The following IL22RA2 variants were observed in gnomAD, a reference collection of about 807,000 sequenced individuals.
The protein encoded by IL22RA2 is interleukin-22 receptor subunit alpha-2.
IL22RA2 carries 39 observed loss-of-function variants against 30.7 expected under a neutral mutation model. The observed-to-expected ratio is 1.27, with a 90% CI of 0.98 to 1.66. IL22RA2 has a LOEUF of 1.66. Among genes scored for constraint, IL22RA2 ranks in the 40% most tolerant of loss-of-function variants. The pLI is 0.00. For synonymous variants in IL22RA2, 103 were observed against 105.0 expected (o/e 0.98, Z 0.11); for missense variants, 315 against 312.7 (o/e 1.01, Z -0.05).
chr6:137,148,590 C>T (rs1428485056), intron 5 of IL22RA2, among the ~76,000 whole-genome samples: 3 of 152,130 alleles, frequency 2.0e-5, no homozygotes, highest in Non-Finnish European at 2.9e-5. Flanking sequence ...CTTTGATTTC[C>T]GTTTACTTTG....
rs570174437 is a variant in IL22RA2, at chr6:137,147,680, A to C, written c.642+42T>G. On this transcript the variant is annotated intron_variant, in intron 6 of 6. Transcript: ENST00000296980. ...TGACCACAATATTGGTTAAATAAACAAAAGAAAAAAACTCTAAATATATCT... is the reference window on the plus strand; with the variant it reads ...TGACCACAATATTGGTTAAATAAACCAAAGAAAAAAACTCTAAATATATCT... 9 of 1,420,840 alleles carry C rather than the reference A, an allele frequency of 6.3e-6. No individual in the cohort carries two copies. In the Admixed American group the frequency reaches 1.8e-4, roughly 29 times the overall value. 88.0% of individuals were successfully genotyped at this position (1,420,840 alleles called of 1,614,324 possible).
At position 137,145,762 on chromosome 6, in the gene IL22RA2, A is replaced by G; in HGVS notation, c.654T>C (p.Val218=). The change falls in exon 7 of 7, where the codon GTT becomes GTC. Residue 218 remains valine (V), a synonymous_variant. Transcript: ENST00000296980. ...INNSLEKEQK[V]YEGAHRAVEI... The stretch of plus-strand genomic sequence containing the variant: ...CAACCGCTCTGTGAGCCCCTTCATA[A>G]ACCTTTTGCTCCTACACACGAGAGA... The G allele has an allele frequency of 6.2e-7, 1 of 1,613,964 alleles. No homozygotes were observed. Among genetic ancestry groups the G allele is most frequent in the Non-Finnish European group, 8.5e-7 (1 of 1,179,948 alleles).
At position 137,156,552 on chromosome 6, in the gene IL22RA2, G is replaced by T. The variant is rs561423986; in HGVS notation, c.293+207C>A. Among the ~76,000 whole-genome samples, 3 of 152,200 alleles carry T rather than the reference G, an allele frequency of 2.0e-5. 1 individual carries two copies. The highest frequency in any genetic ancestry group is 4.1e-4 in the South Asian group (2 of 4,820). On this transcript the variant is annotated intron_variant, in intron 4 of 6. Transcript: ENST00000296980. ...TGTTTATCCTATTCTAAACGCAAGG[G>T]ATATAACAGTATTATAGCCCATGAA...
At position 137,158,279 on chromosome 6, in the gene IL22RA2, C is replaced by G. The variant is rs188089965; in HGVS notation, c.197+68G>C. 1.4e-4 allele frequency: 226 copies of G among 1,575,326 alleles called. 2 individuals carry two copies. The East Asian group carries it at 1.8e-3, about 13-fold the overall frequency. On this transcript the variant is annotated intron_variant, in intron 3 of 6. Transcript: ENST00000296980. Reference sequence around the variant, plus strand: ...GAAAAAAAGCTCGGATCCTAACACTCCATTGCATTCTAGAACATGTTATCC... The same window carrying G: ...GAAAAAAAGCTCGGATCCTAACACTGCATTGCATTCTAGAACATGTTATCC...
rs1778160094 is a variant in IL22RA2, at chr6:137,145,558, A to G, written c.*66T>C. Reference sequence around the variant, plus strand: ...AACAATTTTAAATAAGATCCTTCAAACACGAGTCATCCTGTTCTCAGGGAG... The same window carrying G: ...AACAATTTTAAATAAGATCCTTCAAGCACGAGTCATCCTGTTCTCAGGGAG... On this transcript the variant is annotated 3_prime_UTR_variant, in exon 7 of 7. Coordinates refer to ENST00000296980, the MANE Select transcript of IL22RA2 (RefSeq NM_052962.3). The G allele has an allele frequency of 7.0e-7, 1 of 1,435,440 alleles. No individual in the cohort carries two copies. The highest frequency in any genetic ancestry group is 1.4e-5 in the African/African-American group (1 of 69,714). The allele number at this position is 1,435,440 out of a possible 1,614,324, so 88.9% of individuals were successfully genotyped here.
chr6:137,147,089 C>A (rs1321790299), intron 6 of IL22RA2, among the ~76,000 whole-genome samples: 4 of 145,744 alleles, frequency 2.7e-5, no homozygotes, highest in Non-Finnish European at 6.0e-5. Context: ...GTGGCTTATG[C>A]CTGCAATCCC....
chr6:137,150,480 A>ATTT (rs61381227), intron 5 of IL22RA2, among the ~76,000 whole-genome samples: 13 of 100,514 alleles, frequency 1.3e-4, no homozygotes, highest in African/African-American at 3.5e-4. Flanking sequence ...TTCTTTTCTG[A>ATTT]TTTTTTTTTT....
intron 1 of IL22RA2, among the ~76,000 whole-genome samples, chr6:137,164,120 C>T (rs1366439613): frequency 6.6e-6 from 1 of 152,138 alleles, no homozygotes; most frequent in Admixed American, 6.5e-5. Flanking sequence ...GCGTCAAAGC[C>T]TATTCCACTG....
intron 2 of IL22RA2, among the ~76,000 whole-genome samples, chr6:137,161,040 T>C (rs1778510893): frequency 6.6e-6 from 1 of 152,218 alleles, no homozygotes; most frequent in African/African-American, 2.4e-5. Context: ...CAGAAGTATG[T>C]GGTGCTGATA....
chr6:137,168,796 G>A (rs1310031795), intron 1 of IL22RA2, among the ~76,000 whole-genome samples: 1 of 152,166 alleles, frequency 6.6e-6, no homozygotes, highest in Non-Finnish European at 1.5e-5. Context: ...GCTCTCCTAG[G>A]ACTTGGTATT....
chr6:137,153,272 CAT>C (rs1256116228), intron 5 of IL22RA2, among the ~76,000 whole-genome samples: 1 of 152,002 alleles, frequency 6.6e-6, no homozygotes, highest in Non-Finnish European at 1.5e-5. Flanking sequence ...AAATATATAT[CAT>C]ATATTTGTCG....
chr6:137,167,413 C>T (rs981850794), intron 1 of IL22RA2, among the ~76,000 whole-genome samples: 8 of 152,180 alleles, frequency 5.3e-5, no homozygotes, highest in Admixed American at 2.0e-4. Flanking sequence ...CTCAGATAAA[C>T]GGGGATTTAA....
chr6:137,159,296 A>T (rs1778471067), intron 2 of IL22RA2, among the ~76,000 whole-genome samples: 1 of 152,056 alleles, frequency 6.6e-6, no homozygotes, highest in Admixed American at 6.5e-5. Flanking sequence ...AGGGATAAGA[A>T]GTTGGGCAGA....
Position 137,156,225 on chromosome 6 carries a change from A to G in IL22RA2, c.293+534T>C, listed in dbSNP as rs1778403716. On this transcript the variant is annotated intron_variant, in intron 4 of 6. Transcript: ENST00000296980. ...ACGCTTTGTTTCCTTACCTGCCATA[A>G]ATCAGACCAATGTAACAAAGTGATG... is the stretch of plus-strand genomic sequence containing the variant. Among the ~76,000 whole-genome samples the G allele has an allele frequency of 4.6e-5, 7 of 152,318 alleles. No homozygotes were observed. In the South Asian group the frequency reaches 1.5e-3, roughly 32 times the overall value.
In IL22RA2 at chr6:137,156,846, G is replaced by A. The variant is rs2114370740; in HGVS notation, c.206C>T (p.Ser69Leu). The change falls in exon 4 of 7, where the codon TCA becomes TTA. Residue 69 changes from serine to leucine, a missense_variant. Physicochemically the swap from Ser to Leu is moderately radical, Grantham distance 145. Transcript: ENST00000296980. ...VYFVQYKIMF[S>L]CSMKSSHQKP... is the part of the protein sequence containing the mutation. ...CTGGTGAGAGCTTTTCATGCTGCAT[G>A]AGAACATGCTAGAGAAGGTCAATGG... The A allele has an allele frequency of 1.2e-6, 2 of 1,613,490 alleles. No individual in the cohort carries two copies. Among genetic ancestry groups the A allele is most frequent in the Non-Finnish European group, 1.7e-6 (2 of 1,179,496 alleles).
intron 6 of IL22RA2, among the ~76,000 whole-genome samples, chr6:137,147,186 C>CAAA (rs11313927): frequency 2.5e-4 from 18 of 70,862 alleles, no homozygotes; most frequent in East Asian, 9.1e-4. Context: ...CTTGCCTCTA[C>CAAA]AAAAAAAAAA....
intron 5 of IL22RA2, among the ~76,000 whole-genome samples, chr6:137,153,269 T>C (rs1778329383): frequency 1.3e-5 from 2 of 152,098 alleles, no homozygotes; most frequent in East Asian, 3.9e-4. Flanking sequence ...GACAAATATA[T>C]ATCATATATT....
intron 1 of IL22RA2, among the ~76,000 whole-genome samples, chr6:137,164,177 G>A (rs1386993462): frequency 1.3e-5 from 2 of 152,180 alleles, no homozygotes; most frequent in African/African-American, 4.8e-5. Flanking sequence ...GGTGACTATG[G>A]GGTTAAGCTA....
chr6:137,166,733 C>A (rs1337935967), intron 1 of IL22RA2, among the ~76,000 whole-genome samples: 1 of 152,190 alleles, frequency 6.6e-6, no homozygotes, highest in African/African-American at 2.4e-5. Flanking sequence ...GAAGCAATAG[C>A]CCCTGGTTCA....
Sources: allele counts gnomAD v4.1 joint callset (sites outside exome capture counted in the v4.1 genomes callset), GRCh38; gene constraint gnomAD v4.1.1; transcripts MANE v1.5; gene names NCBI Gene and HGNC (gene_info 2026-07-23, HGNC 2026-07-21).